Variants in UBAP2 observed in about 807,000 individuals in gnomAD.
UBAP2 encodes ubiquitin associated protein 2.
Under a neutral mutation model 139.6 loss-of-function variants are expected in UBAP2, and 75 were observed. The ratio of observed to expected loss-of-function variants is 0.54; its 90% CI spans 0.45 to 0.65. UBAP2 has a LOEUF of 0.65. UBAP2 is among the 30% of genes least tolerant of loss of function. The pLI, the probability that UBAP2 is intolerant of heterozygous loss-of-function variation, is 0.00. For missense variants in UBAP2, 1,368 were observed against 1,369.6 expected (o/e 1.00, Z 0.02); for synonymous variants, 526 against 526.2 (o/e 1.00, Z 0.01).
chr9:34,034,957 T>C (rs943174238), intron 1 of UBAP2, among the ~76,000 whole-genome samples: 2 of 151,952 alleles, frequency 1.3e-5, no homozygotes, highest in African/African-American at 2.4e-5. Flanking sequence ...CTCAGAAAAA[T>C]TACCTTCCAA....
chr9:33,958,599 G>A (rs1317851768), intron 10 of UBAP2, among the ~76,000 whole-genome samples: 4 of 151,148 alleles, frequency 2.6e-5, no homozygotes, highest in East Asian at 4.0e-4. Flanking sequence ...GTAGAGACAC[G>A]GTTTCACCAC....
chr9:33,956,166 A>T lies in UBAP2; in HGVS notation c.799-20T>A, dbSNP rs1826545969. The stretch of plus-strand genomic sequence containing the variant: ...AGAAAGCTGTATGGAAAGTTGAAAA[A>T]TTTAATCTTATTCTACATACTACTA... On this transcript the variant is annotated intron_variant, in intron 10 of 28. Transcript: ENST00000379238. 2.5e-6 allele frequency: 4 copies of T among 1,598,228 alleles called. No homozygotes were observed. Among genetic ancestry groups the T allele is most frequent in the Admixed American group, 3.3e-5 (2 of 59,706 alleles).
intron 1 of UBAP2, among the ~76,000 whole-genome samples, chr9:34,039,004 C>T (rs62558833): frequency 0.23 from 34,304 of 150,084 alleles, 5,028 homozygotes; most frequent in East Asian, 0.55. Context: ...CGTCTCTGCC[C>T]GGCCGACCCG....
At chr9:34,004,830 C>T (rs984561886) in intron 2 of UBAP2, among the ~76,000 whole-genome samples, 11 of 151,530 alleles carry the variant, frequency 7.3e-5, no homozygotes, top group African/African-American at 1.2e-4. Context: ...AGGCTGGGCA[C>T]GGTGACTCAC....
At chr9:33,997,909 A>C (rs1172077850) in intron 3 of UBAP2, 1 of 152,190 alleles carries the variant, frequency 6.6e-6, no homozygotes, top group Non-Finnish European at 1.5e-5. Flanking sequence ...TTATTAGACG[A>C]CATCTACCAA....
At chr9:33,923,328 C>T in intron 25 of UBAP2, 35 bp from the exon 26 acceptor site, 1 of 1,614,056 alleles carries the variant, frequency 6.2e-7, no homozygotes, top group South Asian at 1.1e-5. Flanking sequence ...AAGTGTGAGC[C>T]AGGCAAGCCT....
chr9:34,007,393 G>A (rs1823312880), intron 2 of UBAP2, among the ~76,000 whole-genome samples: 1 of 151,792 alleles, frequency 6.6e-6, no homozygotes, highest in East Asian at 1.9e-4. Flanking sequence ...CTACCCGAGA[G>A]GCTGAGGCAG....
chr9:33,946,275 G>C (rs1260322596), intron 13 of UBAP2, among the ~76,000 whole-genome samples: 1 of 151,682 alleles, frequency 6.6e-6, no homozygotes, highest in Non-Finnish European at 1.5e-5. Flanking sequence ...TACAAATTTT[G>C]AGTATTTTTT....
In UBAP2 at chr9:34,022,433, CTTTT is replaced by C. The variant is rs11387718; in HGVS notation, c.-41-5248_-41-5245del. Among the ~76,000 whole-genome samples the C allele has an allele frequency of 4.5e-4, 50 of 112,352 alleles. 1 individual carries two copies. The highest frequency in any genetic ancestry group is 3.7e-3 in the Admixed American group (37 of 9,924). The allele number at this position is 112,352 out of a possible 152,430, so 73.7% of individuals were successfully genotyped here. A position where few individuals can be genotyped will look rare whatever the true frequency, so the allele number is the denominator to read the frequency against. ...CAGGCTAGGCAACACAGCAAGACCCCTTTTTTTTTTTTTTTTTTTTTTAAGACAC... is the reference window on the plus strand; with the variant it reads ...CAGGCTAGGCAACACAGCAAGACCCCTTTTTTTTTTTTTTTTTTAAGACAC... On this transcript the variant is annotated intron_variant, in intron 1 of 28. Coordinates refer to ENST00000379238, the MANE Select transcript of UBAP2 (RefSeq NM_001370062.2).
intron 2 of UBAP2, among the ~76,000 whole-genome samples, chr9:34,006,232 C>CAA (rs1414657970): frequency 9.0e-6 from 1 of 110,890 alleles, no homozygotes; most frequent in Admixed American, 9.7e-5. Flanking sequence ...AGACTCATCT[C>CAA]AAAAAGAAAA....
chr9:33,974,886 C>T (rs1190773674), intron 6 of UBAP2, among the ~76,000 whole-genome samples: 1 of 128,534 alleles, frequency 7.8e-6, no homozygotes, highest in Non-Finnish European at 1.6e-5. Flanking sequence ...GCTACAGTTC[C>T]TAACTTGCGT....
chr9:33,984,966 G>A (rs778118562), intron 6 of UBAP2, among the ~76,000 whole-genome samples: 7 of 152,184 alleles, frequency 4.6e-5, no homozygotes, highest in Non-Finnish European at 1.0e-4. Flanking sequence ...AAATTAAACA[G>A]ATGCTGGTGA....
intron 12 of UBAP2, among the ~76,000 whole-genome samples, chr9:33,951,529 T>C (rs1158330647): frequency 6.6e-6 from 1 of 151,772 alleles, no homozygotes; most frequent in Non-Finnish European, 1.5e-5. Context: ...GTATTTTTAG[T>C]AGAGATGGGG....
At chr9:33,925,085 G>T (rs925784542) in intron 22 of UBAP2, among the ~76,000 whole-genome samples, 10 of 152,100 alleles carry the variant, frequency 6.6e-5, no homozygotes, top group African/African-American at 2.4e-4. Flanking sequence ...GTGGAGCTTC[G>T]TGGAGGAGGG....
At chr9:33,926,958 G>A in intron 21 of UBAP2, 31 bp downstream of exon 21, 2 of 1,606,382 alleles carry the variant, frequency 1.2e-6, no homozygotes. Context: ...CAGGGGAGCT[G>A]GGCAGGCCAG....
intron 4 of UBAP2, among the ~76,000 whole-genome samples, chr9:33,990,081 GAGAA>G (rs1821570100): frequency 6.6e-6 from 1 of 151,916 alleles, no homozygotes; most frequent in Non-Finnish European, 1.5e-5. Flanking sequence ...ATAAATGGCT[GAGAA>G]AGAAAAAGAT....
intron 1 of UBAP2, among the ~76,000 whole-genome samples, chr9:34,044,190 A>G (rs1442243813): frequency 6.6e-6 from 1 of 151,358 alleles, no homozygotes; most frequent in Non-Finnish European, 1.5e-5. Flanking sequence ...ACACGAGGTC[A>G]GGAGATCAAG....
chr9:33,989,257 C>CA, intron 4 of UBAP2, 131 bp from the exon 5 acceptor site: 1 of 1,059,422 alleles, frequency 9.4e-7, no homozygotes, highest in Non-Finnish European at 1.3e-6. Context: ...GGCTGGAGTG[C>CA]ATGGCGCCCT....
At chr9:33,991,040 A>T (rs1291632436) in intron 4 of UBAP2, among the ~76,000 whole-genome samples, 1 of 152,094 alleles carries the variant, frequency 6.6e-6, no homozygotes, top group Non-Finnish European at 1.5e-5. Context: ...ATCCCAGCAC[A>T]TTGGGAGGCC....
Sources: gnomAD v4.1 joint callset for allele counts (sites outside exome capture counted in the v4.1 genomes callset) on GRCh38, gnomAD v4.1.1 for gene constraint, MANE v1.5 for transcripts, NCBI Gene and HGNC (gene_info 2026-07-23, HGNC 2026-07-21) for gene names.